ST6GALNAC3: variants seen among roughly 807,000 people sequenced by gnomAD.
ST6GALNAC3 encodes alpha-N-acetylgalactosaminide alpha-2,6-sialyltransferase 3.
In ST6GALNAC3, 25 loss-of-function variants were observed where a neutral mutation model predicts 32.7. The ratio of observed to expected loss-of-function variants is 0.76; its 90% CI spans 0.56 to 1.07. ST6GALNAC3 has a LOEUF of 1.07. Ranked by LOEUF, ST6GALNAC3 falls within the 50% of genes least tolerant of loss-of-function variation. ST6GALNAC3 has a pLI of 0.00. For synonymous variants in ST6GALNAC3, 129 were observed against 133.1 expected, an observed-to-expected ratio of 0.97 and a Z score of 0.21; for missense variants, 355 against 382.4, an observed-to-expected ratio of 0.93 and a Z score of 0.60.
chr1:76,220,883 T>G (rs1012245467), intron 1 of ST6GALNAC3, among the ~76,000 whole-genome samples: 10 of 152,196 alleles, frequency 6.6e-5, no homozygotes, highest in Non-Finnish European at 1.3e-4. Context: ...ATTGCAAAAC[T>G]GCCTGGTGAA....
intron 1 of ST6GALNAC3, among the ~76,000 whole-genome samples, chr1:76,242,434 T>C (rs1254264899): frequency 6.6e-6 from 1 of 151,938 alleles, no homozygotes; most frequent in African/African-American, 2.4e-5. Flanking sequence ...ATACCTTCTT[T>C]TCCTTTTTTT....
At chr1:76,593,089 C>T (rs963215539) in intron 3 of ST6GALNAC3, among the ~76,000 whole-genome samples, 6 of 152,044 alleles carry the variant, frequency 3.9e-5, no homozygotes, top group Non-Finnish European at 8.8e-5. Context: ...TGAGAAGGCA[C>T]TTAAAGCCTC....
chr1:76,539,340 C>T (rs972826670), intron 3 of ST6GALNAC3, among the ~76,000 whole-genome samples: 11 of 152,264 alleles, frequency 7.2e-5, no homozygotes, highest in Admixed American at 3.3e-4. Context: ...TGGACTCCTT[C>T]GTTACACTTT....
chr1:76,215,667 G>A (rs1453964900), intron 1 of ST6GALNAC3, among the ~76,000 whole-genome samples: 1 of 152,238 alleles, frequency 6.6e-6, no homozygotes, highest in Non-Finnish European at 1.5e-5. Context: ...ATCAGGAAGA[G>A]TGTGGGGACA....
At chr1:76,440,724 G>A (rs1272399108) in intron 3 of ST6GALNAC3, among the ~76,000 whole-genome samples, 2 of 152,140 alleles carry the variant, frequency 1.3e-5, no homozygotes, top group Admixed American at 6.5e-5. Context: ...GAGAGTCCCT[G>A]TCTGGCAATA....
chr1:76,218,220 A>T (rs1655579365), intron 1 of ST6GALNAC3, among the ~76,000 whole-genome samples: 1 of 152,122 alleles, frequency 6.6e-6, no homozygotes, highest in Admixed American at 6.5e-5. Flanking sequence ...CTGCAAACCC[A>T]ACTTTGAATA....
At chr1:76,484,736 C>G (rs1659982273) in intron 3 of ST6GALNAC3, among the ~76,000 whole-genome samples, 1 of 152,152 alleles carries the variant, frequency 6.6e-6, no homozygotes, top group African/African-American at 2.4e-5. Flanking sequence ...CCTGAATGCC[C>G]TGGCCAGAAC....
intron 1 of ST6GALNAC3, among the ~76,000 whole-genome samples, chr1:76,143,310 A>G (rs1244622295): frequency 6.6e-6 from 1 of 152,022 alleles, no homozygotes; most frequent in Non-Finnish European, 1.5e-5. Flanking sequence ...TGGCAGTCCT[A>G]TTAGCAAACT....
intron 3 of ST6GALNAC3, among the ~76,000 whole-genome samples, chr1:76,508,529 G>A (rs1288015343): frequency 1.3e-5 from 2 of 152,140 alleles, no homozygotes; most frequent in African/African-American, 2.4e-5. Context: ...GCAGCATTGT[G>A]TTTGAAGTTC....
At chr1:76,588,319 C>A (rs1646995311) in intron 3 of ST6GALNAC3, among the ~76,000 whole-genome samples, 1 of 152,028 alleles carries the variant, frequency 6.6e-6, no homozygotes, top group Non-Finnish European at 1.5e-5. Flanking sequence ...CCCCACCTAT[C>A]TCCTCCCTTT....
intron 3 of ST6GALNAC3, among the ~76,000 whole-genome samples, chr1:76,623,314 G>A (rs775368729): frequency 6.6e-6 from 1 of 151,852 alleles, no homozygotes; most frequent in Non-Finnish European, 1.5e-5. Flanking sequence ...GAGCCTGACC[G>A]GTAAAATCAA....
At chr1:76,312,094 G>A (rs976900145) in intron 1 of ST6GALNAC3, among the ~76,000 whole-genome samples, 4 of 152,034 alleles carry the variant, frequency 2.6e-5, no homozygotes, top group Admixed American at 2.0e-4. Flanking sequence ...TAGACAAATG[G>A]AACAGAACAG....
chr1:76,428,507 G>A (rs963361586), intron 3 of ST6GALNAC3, among the ~76,000 whole-genome samples: 4 of 151,906 alleles, frequency 2.6e-5, no homozygotes, highest in African/African-American at 9.7e-5. Context: ...CTACTTCATG[G>A]TTGTAGTTTT....
At chr1:76,229,578 T>C (rs1195483243) in intron 1 of ST6GALNAC3, among the ~76,000 whole-genome samples, 2 of 152,186 alleles carry the variant, frequency 1.3e-5, no homozygotes, top group African/African-American at 4.8e-5. Flanking sequence ...CTTGTTCTCA[T>C]TTGGTTGGTC....
chr1:76,133,710 G>A (rs1269937418), intron 1 of ST6GALNAC3, among the ~76,000 whole-genome samples: 1 of 152,222 alleles, frequency 6.6e-6, no homozygotes, highest in Non-Finnish European at 1.5e-5. Context: ...TCCAGCTGCT[G>A]ATCTCAGGGG....
chr1:76,229,269 C>T (rs1052139090), intron 1 of ST6GALNAC3, among the ~76,000 whole-genome samples: 44 of 152,236 alleles, frequency 2.9e-4, no homozygotes, highest in East Asian at 1.2e-3. Context: ...CTCAAGTGGC[C>T]AGGACTTGAT....
At chr1:76,591,665 A>G (rs1049322307) in intron 3 of ST6GALNAC3, among the ~76,000 whole-genome samples, 2 of 152,142 alleles carry the variant, frequency 1.3e-5, no homozygotes, top group African/African-American at 4.8e-5. Flanking sequence ...AAGAAGACAC[A>G]TATTTGTATT....
intron 1 of ST6GALNAC3, among the ~76,000 whole-genome samples, chr1:76,241,394 TGA>T (rs1403354194): frequency 6.6e-6 from 1 of 152,058 alleles, no homozygotes; most frequent in Non-Finnish European, 1.5e-5. Context: ...GATCACATAG[TGA>T]GAGAGGAAGC....
chr1:76,372,602 C>T (rs569393801), intron 2 of ST6GALNAC3, among the ~76,000 whole-genome samples: 31 of 152,096 alleles, frequency 2.0e-4, no homozygotes, highest in Non-Finnish European at 4.0e-4. Flanking sequence ...CTGGTCATAA[C>T]ATCATCTATT....
Sources: allele counts gnomAD v4.1 joint callset (sites outside exome capture counted in the v4.1 genomes callset), GRCh38; gene constraint gnomAD v4.1.1; transcripts MANE v1.5; gene names NCBI Gene and HGNC (gene_info 2026-07-23, HGNC 2026-07-21).